The following FOXO1 variants were observed in gnomAD, a reference collection of about 807,000 sequenced individuals.
FOXO1 encodes the protein forkhead box O1, also known as forkhead box protein O1.
FOXO1 carries 6 observed loss-of-function variants against 44.1 expected under a neutral mutation model. The ratio of observed to expected loss-of-function variants is 0.14; its 90% CI spans 0.07 to 0.27. The LOEUF (loss-of-function observed/expected upper bound fraction) is 0.27. Among genes scored for constraint, FOXO1 ranks in the 10% least tolerant of loss-of-function variants. The pLI, the probability that FOXO1 is intolerant of heterozygous loss-of-function variation, is 1.00. For missense variants in FOXO1, 737 were observed against 888.8 expected, an observed-to-expected ratio of 0.83 and a Z score of 2.17; for synonymous variants, 380 against 362.7, an observed-to-expected ratio of 1.05 and a Z score of -0.54.
chr13:40,591,713 A>T (rs1019421588), intron 1 of FOXO1, among the ~76,000 whole-genome samples: 52 of 152,124 alleles, frequency 3.4e-4, no homozygotes, highest in African/African-American at 1.2e-3. Flanking sequence ...AAATATATAT[A>T]TTTTTTGAGA....
In FOXO1 at chr13:40,652,604, T is replaced by A. The variant is rs1877721795; in HGVS notation, c.630+12979A>T. ...GCACATCATCTCTGATACAAAATTA[T>A]GGTGACTGAACATGCCTATCTTGAT... On this transcript the variant is annotated intron_variant, in intron 1 of 2. Coordinates refer to ENST00000379561, the MANE Select transcript of FOXO1 (RefSeq NM_002015.4). Among the ~76,000 whole-genome samples the A allele has an allele frequency of 2.0e-5, 3 of 152,222 alleles. No homozygotes were observed. In the South Asian group the frequency reaches 6.2e-4, roughly 32 times the overall value.
At chr13:40,561,519 A>G (rs1874016841) in intron 1 of FOXO1, among the ~76,000 whole-genome samples, 1 of 152,140 alleles carries the variant, frequency 6.6e-6, no homozygotes, top group South Asian at 2.1e-4. Context: ...ACTCTGTATC[A>G]AAGTGCTATC....
chr13:40,599,124 A>C (rs1875714575), intron 1 of FOXO1, among the ~76,000 whole-genome samples: 1 of 130,258 alleles, frequency 7.7e-6, no homozygotes, highest in African/African-American at 3.0e-5. Context: ...TTTACACTAT[A>C]AACAAGAAAA....
chr13:40,584,955 T>C (rs1054331686), intron 1 of FOXO1, among the ~76,000 whole-genome samples: 3 of 152,208 alleles, frequency 2.0e-5, no homozygotes, highest in African/African-American at 7.2e-5. Context: ...GTTCTACTAT[T>C]CTAAGAAAAT....
At chr13:40,582,043 G>T (rs1202441278) in intron 1 of FOXO1, among the ~76,000 whole-genome samples, 1 of 152,114 alleles carries the variant, frequency 6.6e-6, no homozygotes, top group East Asian at 1.9e-4. Flanking sequence ...TAATTATATT[G>T]GTCTCTATGC....
chr13:40,654,494 C>A (rs1177750257), intron 1 of FOXO1, among the ~76,000 whole-genome samples: 1 of 125,896 alleles, frequency 7.9e-6, no homozygotes. Context: ...GAGCGAGACT[C>A]TGTCACAAAA....
intron 1 of FOXO1, among the ~76,000 whole-genome samples, chr13:40,630,421 A>C (rs1167541346): frequency 2.0e-5 from 3 of 152,172 alleles, no homozygotes; most frequent in Non-Finnish European, 4.4e-5. Context: ...CTGGGAGGCC[A>C]AGGTGGCAGA....
At chr13:40,664,720 G>A (rs1878162035) in intron 1 of FOXO1, among the ~76,000 whole-genome samples, 1 of 152,100 alleles carries the variant, frequency 6.6e-6, no homozygotes, top group African/African-American at 2.4e-5. Context: ...GCGCTTCCCC[G>A]CATGGAGAAA....
intron 1 of FOXO1, among the ~76,000 whole-genome samples, chr13:40,569,534 T>G (rs1314713074): frequency 6.6e-6 from 1 of 152,200 alleles, no homozygotes; most frequent in East Asian, 1.9e-4. Flanking sequence ...AAACTTCCTG[T>G]TTAAAGGCAG....
chr13:40,664,943 C>T (rs1878174116), intron 1 of FOXO1, among the ~76,000 whole-genome samples: 1 of 151,838 alleles, frequency 6.6e-6, no homozygotes, highest in Non-Finnish European at 1.5e-5. Context: ...TCGGAGGCAC[C>T]ACCTCGGGCT....
chr13:40,619,441 C>A, intron 1 of FOXO1: 1 of 1,171,082 alleles, frequency 8.5e-7, no homozygotes, highest in South Asian at 1.2e-5. Context: ...AAATGGGAAT[C>A]AAAATTGGAG....
rs1024951493 is a variant in FOXO1 at position 40,558,807 on chromosome 13, A to G, written c.*242T>C. ...GCACTTCATTGTAATGAAATTTCCA[A>G]TGGCACAGTCCTTATCTACAGCAGC... On this transcript the variant is annotated 3_prime_UTR_variant, in exon 3 of 3. Coordinates refer to ENST00000379561, the MANE Select transcript of FOXO1 (RefSeq NM_002015.4). 1 of 398,876 alleles carries G rather than the reference A, an allele frequency of 2.5e-6. No homozygotes were observed. The highest frequency in any genetic ancestry group is 2.1e-5 in the African/African-American group (1 of 48,638). 24.7% of individuals were successfully genotyped at this position (398,876 alleles called of 1,614,324 possible). A position where few individuals can be genotyped will look rare whatever the true frequency, so the allele number is the denominator to read the frequency against.
At chr13:40,591,518 A>G (rs1181960823) in intron 1 of FOXO1, among the ~76,000 whole-genome samples, 2 of 152,182 alleles carry the variant, frequency 1.3e-5, no homozygotes, top group African/African-American at 4.8e-5. Context: ...TGCCATACTT[A>G]CTGGGCAGGC....
At chr13:40,656,302 T>A (rs763435267) in intron 1 of FOXO1, among the ~76,000 whole-genome samples, 83 of 152,348 alleles carry the variant, frequency 5.4e-4, no homozygotes, top group Admixed American at 2.2e-3. Flanking sequence ...TTTTGAAGTA[T>A]CTTTTCAAGC....
chr13:40,593,514 T>C (rs1566069967), intron 1 of FOXO1, among the ~76,000 whole-genome samples: 1 of 152,208 alleles, frequency 6.6e-6, no homozygotes, highest in Non-Finnish European at 1.5e-5. Flanking sequence ...GAAAAGTTCT[T>C]ACCACTGTAG....
chr13:40,659,809 A>C (rs1323296309), intron 1 of FOXO1, among the ~76,000 whole-genome samples: 1 of 152,210 alleles, frequency 6.6e-6, no homozygotes, highest in Non-Finnish European at 1.5e-5. Context: ...GTAAACTGGG[A>C]TGCTAATGAA....
In FOXO1 at chr13:40,559,988, A is replaced by T; in HGVS notation, c.1503T>A (p.Asn501Lys). 6.2e-7 allele frequency: 1 copy of T among 1,614,118 alleles called. No homozygotes were observed. Among genetic ancestry groups the T allele is most frequent in the South Asian group, 1.1e-5 (1 of 91,076 alleles). The change falls in exon 2 of 3, where the codon AAT becomes AAA. Residue 501 changes from asparagine (N) to lysine (K), a missense_variant. Asn to Lys is a moderately conservative substitution (Grantham distance 94). This residue lies in a region of FOXO1 where 283 missense variants were observed against 278.1 expected (regional missense o/e 1.02). Transcript: ENST00000379561. ...GGCTGCCATAGGTTGACATGACCGA[A>T]TTAGGGCCCATCATGACGTTCTGGC... ...VLGQNVMMGP[N>K]SVMSTYGSQA...
chr13:40,633,517 A>C (rs549533230), intron 1 of FOXO1, among the ~76,000 whole-genome samples: 1 of 152,364 alleles, frequency 6.6e-6, no homozygotes, highest in East Asian at 1.9e-4. Flanking sequence ...AAGCCAGTCA[A>C]AGGAGATCAC....
chr13:40,630,798 TTTTC>T (rs1189134283), intron 1 of FOXO1, among the ~76,000 whole-genome samples: 1 of 152,162 alleles, frequency 6.6e-6, no homozygotes, highest in Non-Finnish European at 1.5e-5. Flanking sequence ...ACTCTGTCAT[TTTTC>T]TTTGTCTAAA....
Sources: gnomAD v4.1 joint callset for allele counts (sites outside exome capture counted in the v4.1 genomes callset) on GRCh38, gnomAD v4.1.1 for gene constraint, gnomAD v4.1.1 regional missense constraint, MANE v1.5 for transcripts, NCBI Gene and HGNC (gene_info 2026-07-23, HGNC 2026-07-21) for gene names.